The following ADCK1 variants were observed in gnomAD, a reference collection of about 807,000 sequenced individuals.
The protein encoded by ADCK1 is aarF domain-containing protein kinase 1.
In ADCK1, 41 loss-of-function variants were observed where a neutral mutation model predicts 52.3. The ratio of observed to expected loss-of-function variants is 0.78; its 90% confidence interval spans 0.61 to 1.02. ADCK1 has a LOEUF of 1.02. Ranked by LOEUF, ADCK1 falls within the 50% of genes least tolerant of loss-of-function variation. The pLI is 0.00. For missense variants in ADCK1, 658 were observed against 679.5 expected (o/e 0.97, Z 0.35); for synonymous variants, 250 against 274.6 (o/e 0.91, Z 0.89).
intron 1 of ADCK1, among the ~76,000 whole-genome samples, chr14:77,812,676 G>C (rs1284392107): frequency 6.6e-6 from 1 of 151,322 alleles, no homozygotes; most frequent in Non-Finnish European, 1.5e-5. Flanking sequence ...TGCAACTTCT[G>C]CCTCCTGGGT....
At chr14:77,915,149 A>G (rs2083888262) in intron 7 of ADCK1, among the ~76,000 whole-genome samples, 1 of 151,498 alleles carries the variant, frequency 6.6e-6, no homozygotes, top group Non-Finnish European at 1.5e-5. Context: ...ATCTTCTTCC[A>G]TTGTCCATCC....
chr14:77,903,968 T>A (rs1400182263), intron 6 of ADCK1, among the ~76,000 whole-genome samples: 3 of 152,176 alleles, frequency 2.0e-5, no homozygotes, highest in African/African-American at 7.2e-5. Flanking sequence ...TATCATCAGT[T>A]GGGAGACTGA....
At chr14:77,870,496 G>A (rs1165619495) in intron 4 of ADCK1, among the ~76,000 whole-genome samples, 1 of 152,230 alleles carries the variant, frequency 6.6e-6, no homozygotes, top group Non-Finnish European at 1.5e-5. Flanking sequence ...GGCAAAGTGA[G>A]CTAATGGTGT....
chr14:77,899,019 G>A, intron 5 of ADCK1, 81 bp from the exon 6 acceptor site: 1 of 1,576,140 alleles, frequency 6.3e-7, no homozygotes, highest in East Asian at 2.2e-5. Context: ...CTTACTCTAG[G>A]GGAGAACCAG....
intron 4 of ADCK1, among the ~76,000 whole-genome samples, chr14:77,864,866 T>C (rs146886705): frequency 3.2e-4 from 48 of 152,352 alleles, no homozygotes; most frequent in African/African-American, 1.1e-3. Context: ...GGTTACCTGC[T>C]GGCAGAATTC....
At chr14:77,841,674 CAAAAAAAA>C (rs71128696) in intron 3 of ADCK1, among the ~76,000 whole-genome samples, 155 of 74,252 alleles carry the variant, frequency 2.1e-3, no homozygotes, top group Non-Finnish European at 2.0e-3. Context: ...ACTAAAAATA[CAAAAAAAA>C]AAAAAAAAAA....
intron 3 of ADCK1, among the ~76,000 whole-genome samples, chr14:77,841,302 A>G (rs2082060490): frequency 6.6e-6 from 1 of 152,182 alleles, no homozygotes. Flanking sequence ...GGCACAGGTC[A>G]ACGGAACAAC....
intron 3 of ADCK1, among the ~76,000 whole-genome samples, chr14:77,847,834 C>A (rs1233266151): frequency 1.3e-5 from 2 of 152,166 alleles, no homozygotes; most frequent in African/African-American, 4.8e-5. Context: ...TCCAGATCCC[C>A]CTGTGTGTTC....
In ADCK1 at chr14:77,826,669, A is replaced by G. The variant is rs543072853; in HGVS notation, c.219+4151A>G. Among the ~76,000 whole-genome samples the G allele has an allele frequency of 1.1e-4, 17 of 152,264 alleles. No individual in the cohort carries two copies. The South Asian group carries it at 2.7e-3, about 24-fold the overall frequency. On this transcript the variant is annotated intron_variant, in intron 3 of 10. Transcript: ENST00000238561. ...CAGGAATGGGGCTGGAGGAGAGAAG[A>G]TAGAGTTGATTCTGATGAGGGTTTG...
intron 5 of ADCK1, among the ~76,000 whole-genome samples, chr14:77,894,286 C>T (rs78073578): frequency 9.9e-5 from 15 of 152,140 alleles, no homozygotes; most frequent in Non-Finnish European, 1.5e-4. Flanking sequence ...AACTGATTTT[C>T]GATCCTTGTT....
In ADCK1 at chr14:77,917,834, G is replaced by A. The variant is rs559769379; in HGVS notation, c.859-6623G>A. ...TTTTTTCAAAATGGAACATTTTGCC[G>A]GCTTCTGGGGTTGGAGTGGGGTGGT... On this transcript the variant is annotated intron_variant, in intron 7 of 10. Transcript: ENST00000238561. 1.1e-4 allele frequency among the ~76,000 whole-genome samples: 16 copies of A among 152,094 alleles called. No individual in the cohort carries two copies. The East Asian group carries it at 1.2e-3, about 11-fold the overall frequency.
intron 1 of ADCK1, among the ~76,000 whole-genome samples, chr14:77,807,802 C>G (rs1409161797): frequency 6.6e-6 from 1 of 152,094 alleles, no homozygotes; most frequent in East Asian, 1.9e-4. Flanking sequence ...AACCACCATG[C>G]CCGGCAATTT....
intron 3 of ADCK1, among the ~76,000 whole-genome samples, chr14:77,839,306 G>T (rs78400769): frequency 2.0e-5 from 3 of 152,182 alleles, no homozygotes; most frequent in South Asian, 2.1e-4. Flanking sequence ...AAATGAAAAT[G>T]CTGGGCTCTG....
rs894698655 is a variant in ADCK1 at position 77,933,823 on chromosome 14, C to T, written c.*432C>T. On this transcript the variant is annotated 3_prime_UTR_variant, in exon 11 of 11. Coordinates refer to ENST00000238561, the MANE Select transcript of ADCK1 (RefSeq NM_020421.4). ...TCCCTTTCCTTGCCATGTCACCCTCCAGAGGAAGTCACACCTCAGCGAGGT... is the reference window on the plus strand; with the variant it reads ...TCCCTTTCCTTGCCATGTCACCCTCTAGAGGAAGTCACACCTCAGCGAGGT... 1 of 171,728 alleles carries T rather than the reference C, an allele frequency of 5.8e-6. No individual in the cohort carries two copies. Among genetic ancestry groups the T allele is most frequent in the Admixed American group, 5.6e-5 (1 of 17,914 alleles). The allele number at this position is 171,728 out of a possible 1,614,324, so 10.6% of individuals were successfully genotyped here.
At chr14:77,888,474 A>G (rs896941576) in intron 5 of ADCK1, among the ~76,000 whole-genome samples, 1 of 152,144 alleles carries the variant, frequency 6.6e-6, no homozygotes, top group East Asian at 1.9e-4. Flanking sequence ...GGGGACTGTC[A>G]TGATCAGATT....
chr14:77,893,508 A>C (rs538279353), intron 5 of ADCK1, among the ~76,000 whole-genome samples: 1 of 152,136 alleles, frequency 6.6e-6, no homozygotes, highest in African/African-American at 2.4e-5. Flanking sequence ...AATCTAACTC[A>C]TTGCCAAGTA....
At chr14:77,858,892 C>T (rs2082480415) in intron 3 of ADCK1, among the ~76,000 whole-genome samples, 184 bp from the exon 4 acceptor site, 1 of 152,076 alleles carries the variant, frequency 6.6e-6, no homozygotes, top group African/African-American at 2.4e-5. Context: ...GAGTTGACTG[C>T]CCCGTGTACC....
At chr14:77,851,979 T>G (rs1422047412) in intron 3 of ADCK1, among the ~76,000 whole-genome samples, 1 of 151,848 alleles carries the variant, frequency 6.6e-6, no homozygotes, top group Non-Finnish European at 1.5e-5. Context: ...TGAAGGCTCT[T>G]TATTATTTAT....
At chr14:77,854,469 A>G (rs1008928427) in intron 3 of ADCK1, among the ~76,000 whole-genome samples, 2 of 151,832 alleles carry the variant, frequency 1.3e-5, no homozygotes, top group African/African-American at 4.8e-5. Flanking sequence ...GTGCTTTGAC[A>G]TCTTGAAGTT....
Sources: allele counts gnomAD v4.1 joint callset (sites outside exome capture counted in the v4.1 genomes callset), GRCh38; gene constraint gnomAD v4.1.1; transcripts MANE v1.5; gene names NCBI Gene and HGNC (gene_info 2026-07-23, HGNC 2026-07-21).